The following GPR160 variants were observed in gnomAD, a reference collection of about 807,000 sequenced individuals.
GPR160 encodes G protein-coupled receptor 160, also known as probable G protein-coupled receptor 160.
GPR160 carries 2 observed loss-of-function variants against 2.6 expected under a neutral mutation model. That is an observed-to-expected ratio of 0.77 (90% CI 0.32 to 2.44). The LOEUF (loss-of-function observed/expected upper bound fraction) is 2.44, where lower values mean the gene tolerates loss of function less well. GPR160 is among the 30% of genes most tolerant of loss of function. The pLI is 0.11. For missense variants in GPR160, 351 were observed against 383.6 expected, an observed-to-expected ratio of 0.91 and a Z score of 0.71; for synonymous variants, 130 against 132.2, an observed-to-expected ratio of 0.98 and a Z score of 0.12.
In GPR160 at chr3:170,038,777, C is replaced by G. The variant is rs1440134786; in HGVS notation, c.-321-138C>G. ...TGGGATTAAGCCCCAGGGCCTTGCC[C>G]GGCTATTTGTTTTCCGAGGCCGTTG... On this transcript the variant is annotated intron_variant, in intron 1 of 3. Coordinates refer to ENST00000355897, the MANE Select transcript of GPR160 (RefSeq NM_014373.3). This position sits in a 1 kb window ranked among gnomAD's most constrained non-coding sequence, Gnocchi z 5.3. The G allele has an allele frequency of 3.3e-5, 5 of 152,130 alleles. No individual in the cohort carries two copies. Among genetic ancestry groups the G allele is most frequent in the Non-Finnish European group, 1.5e-5 (1 of 68,020 alleles). 9.4% of individuals were successfully genotyped at this position (152,130 alleles called of 1,614,324 possible).
At chr3:170,066,218 G>A (rs1278349248) in intron 2 of GPR160, among the ~76,000 whole-genome samples, 2 of 123,516 alleles carry the variant, frequency 1.6e-5, no homozygotes, top group Admixed American at 1.1e-4. Context: ...TCGGCTCCCT[G>A]CAAGCTCTGC....
At chr3:170,061,095 T>G (rs948932859) in intron 2 of GPR160, among the ~76,000 whole-genome samples, 2 of 151,868 alleles carry the variant, frequency 1.3e-5, no homozygotes, top group Admixed American at 6.6e-5. Flanking sequence ...ACCAACATGG[T>G]GAAACCACAT....
chr3:170,072,236 A>G (rs1199969752), intron 2 of GPR160, among the ~76,000 whole-genome samples: 1 of 151,654 alleles, frequency 6.6e-6, no homozygotes. Flanking sequence ...CACCATGCCC[A>G]GCTAACTTTT....
chr3:170,084,506 C>G lies in GPR160; in HGVS notation c.534C>G (p.Val178=), dbSNP rs1713313654. ...NAYSRHCPFY[V]SIQSYWLSFF... is the part of the protein sequence containing the mutation. Reference sequence around the variant, plus strand: ...ATTCTCGTCACTGTCCTTTCTATGTCAGCATTCAGAGTTACTGGCTGTCAT... The same window carrying G: ...ATTCTCGTCACTGTCCTTTCTATGTGAGCATTCAGAGTTACTGGCTGTCAT... Residue 178 remains valine (V), a synonymous_variant, in exon 4 of 4, where the codon GTC becomes GTG. Transcript: ENST00000355897. 1 of 1,613,198 alleles carries G rather than the reference C, an allele frequency of 6.2e-7. No homozygotes were observed. Among genetic ancestry groups the G allele is most frequent in the Non-Finnish European group, 8.5e-7 (1 of 1,179,208 alleles).
chr3:170,077,782 C>T (rs1712935302), intron 2 of GPR160: 1 of 152,750 alleles, frequency 6.5e-6, no homozygotes, highest in Admixed American at 6.5e-5. Context: ...GGGCAGCCCA[C>T]TAGCTGCTGT....
intron 3 of GPR160, among the ~76,000 whole-genome samples, chr3:170,082,996 T>G (rs1021371285): frequency 2.7e-4 from 41 of 151,190 alleles, no homozygotes; most frequent in Non-Finnish European, 4.0e-4. Flanking sequence ...TTGGTTTTTG[T>G]TTTTGTTTTT....
chr3:170,039,704 G>T lies in GPR160; in HGVS notation c.-193+661G>T, dbSNP rs112502669. On this transcript the variant is annotated intron_variant, in intron 2 of 3. Transcript: ENST00000355897. The stretch of plus-strand genomic sequence containing the variant: ...AGCCTGGGAGGCAGAGCGAGACTCC[G>T]TCTCAAAATAAATAAATAAATAAGG... 1.0e-3 allele frequency among the ~76,000 whole-genome samples: 157 copies of T among 152,308 alleles called. 2 individuals are homozygous for T. Among genetic ancestry groups the T allele is most frequent in the African/African-American group, 3.6e-3 (151 of 41,564 alleles).
At chr3:170,056,506 T>G (rs1490094256) in intron 2 of GPR160, among the ~76,000 whole-genome samples, 1 of 152,192 alleles carries the variant, frequency 6.6e-6, no homozygotes, top group Non-Finnish European at 1.5e-5. Context: ...GATACCACAG[T>G]TAGACGGTGG....
Position 170,085,027 on chromosome 3 carries a change from A to G in GPR160, c.*38A>G. 1.8e-6 allele frequency: 2 copies of G among 1,127,574 alleles called. No homozygotes were observed. Among genetic ancestry groups the G allele is most frequent in the Non-Finnish European group, 2.5e-6 (2 of 807,380 alleles). 69.8% of individuals were successfully genotyped at this position (1,127,574 alleles called of 1,614,324 possible). A position where few individuals can be genotyped will look rare whatever the true frequency, so the allele number is the denominator to read the frequency against. On this transcript the variant is annotated 3_prime_UTR_variant, in exon 4 of 4. Transcript: ENST00000355897. ...AAAGTTACAGCTGTCATAAGATCATAATTTTATGAACAGAAAGAACTCAGG... is the reference window on the plus strand; with the variant it reads ...AAAGTTACAGCTGTCATAAGATCATGATTTTATGAACAGAAAGAACTCAGG...
At chr3:170,049,567 C>T (rs1716867553) in intron 2 of GPR160, among the ~76,000 whole-genome samples, 1 of 152,218 alleles carries the variant, frequency 6.6e-6, no homozygotes, top group Non-Finnish European at 1.5e-5. Context: ...ACATGGTGCC[C>T]TCCCAGACAC....
At chr3:170,050,197 T>TTG (rs1716897787) in intron 2 of GPR160, among the ~76,000 whole-genome samples, 1 of 151,488 alleles carries the variant, frequency 6.6e-6, no homozygotes, top group African/African-American at 2.4e-5. Flanking sequence ...GTAGCTGGGA[T>TTG]TACAGGTGCC....
Position 170,085,103 on chromosome 3 carries a change from A to G in GPR160, c.*114A>G, listed in dbSNP as rs1713363415. The G allele has an allele frequency of 4.0e-6, 2 of 496,324 alleles. No individual in the cohort carries two copies. The highest frequency in any genetic ancestry group is 4.7e-5 in the South Asian group (1 of 21,324). The allele number at this position is 496,324 out of a possible 1,614,324, so 30.7% of individuals were successfully genotyped here. A position where few individuals can be genotyped will look rare whatever the true frequency, so the allele number is the denominator to read the frequency against. On this transcript the variant is annotated 3_prime_UTR_variant, in exon 4 of 4. Coordinates refer to ENST00000355897, the MANE Select transcript of GPR160 (RefSeq NM_014373.3). ...AAACAACTTTTGCCCCCTGACTGAT[A>G]GCATTTCAGAATGTGTCTTTTGAAG...
intron 2 of GPR160, among the ~76,000 whole-genome samples, chr3:170,042,438 A>AG (rs1716493927): frequency 1.4e-5 from 2 of 140,602 alleles, no homozygotes; most frequent in South Asian, 4.7e-4. Flanking sequence ...AAAAAAAAAG[A>AG]AAGAAAGAAA....
chr3:170,051,675 G>A (rs1716964043), intron 2 of GPR160, among the ~76,000 whole-genome samples: 1 of 152,098 alleles, frequency 6.6e-6, no homozygotes, highest in African/African-American at 2.4e-5. Context: ...CAGTGACCCA[G>A]GATCGTACCA....
chr3:170,062,803 G>C (rs1712035941), intron 2 of GPR160: 1 of 649,334 alleles, frequency 1.5e-6, no homozygotes, highest in Non-Finnish European at 2.8e-6. Context: ...GAAAGGGAAA[G>C]AATAGATGAA....
intron 2 of GPR160, among the ~76,000 whole-genome samples, chr3:170,060,415 C>T (rs1339803983): frequency 6.6e-6 from 1 of 152,102 alleles, no homozygotes; most frequent in Non-Finnish European, 1.5e-5. Flanking sequence ...TGTTATGCAA[C>T]GGATTGGTCT....
chr3:170,076,050 C>T (rs1712833276), intron 2 of GPR160, among the ~76,000 whole-genome samples: 1 of 152,100 alleles, frequency 6.6e-6, no homozygotes, highest in African/African-American at 2.4e-5. Flanking sequence ...TTTCATATTT[C>T]TTTTTAAAAC....
chr3:170,041,727 T>C (rs1360629455), intron 2 of GPR160, among the ~76,000 whole-genome samples: 1 of 152,184 alleles, frequency 6.6e-6, no homozygotes, highest in Non-Finnish European at 1.5e-5. Context: ...TTAAATGAAG[T>C]GAAATTGTTT....
rs1178904393 is a variant in GPR160 at position 170,038,659 on chromosome 3, CGCGCGCGCGTGCGT to C, written c.-321-253_-321-240del. 1.3e-5 allele frequency: 2 copies of C among 151,898 alleles called. No homozygotes were observed. The highest frequency in any genetic ancestry group is 4.8e-5 in the African/African-American group (2 of 41,368). 9.4% of individuals were successfully genotyped at this position (151,898 alleles called of 1,614,324 possible). ...GTGAATAGTCTCACACACACGCGCG[CGCGCGCGCGTGCGT>C]GCATTCATTGGGGCCGACTTTGCCT... is the stretch of plus-strand genomic sequence containing the variant. On this transcript the variant is annotated intron_variant, in intron 1 of 3. Coordinates refer to ENST00000355897, the MANE Select transcript of GPR160 (RefSeq NM_014373.3). The surrounding 1 kb of genome is among the most constrained non-coding windows in gnomAD (Gnocchi z 5.3).
Sources: allele counts gnomAD v4.1 joint callset (sites outside exome capture counted in the v4.1 genomes callset), GRCh38; gene constraint gnomAD v4.1.1; non-coding constraint Gnocchi (gnomAD v3.1); transcripts MANE v1.5; gene names NCBI Gene and HGNC (gene_info 2026-07-23, HGNC 2026-07-21).